RAB2A: variants seen among roughly 807,000 people sequenced by gnomAD.
RAB2A encodes the protein ras-related protein Rab-2A.
A neutral mutation model predicts 32.5 loss-of-function variants in RAB2A; 7 were observed. That is an observed-to-expected ratio of 0.22 (90% confidence interval 0.12 to 0.40). RAB2A has a LOEUF of 0.40. Ranked by LOEUF, RAB2A falls within the 10% of genes least tolerant of loss-of-function variation. The pLI is 1.00. For synonymous variants in RAB2A, 79 were observed against 85.2 expected, an observed-to-expected ratio of 0.93 and a Z score of 0.40; for missense variants, 108 against 260.7, an observed-to-expected ratio of 0.41 and a Z score of 4.03.
At chr8:60,567,571 A>G (rs1488688425) in intron 2 of RAB2A, among the ~76,000 whole-genome samples, 2 of 152,010 alleles carry the variant, frequency 1.3e-5, no homozygotes, top group Non-Finnish European at 2.9e-5. Context: ...GTTTTATTCA[A>G]TACATGGGCT....
At chr8:60,582,200 C>T (rs1329019203) in intron 3 of RAB2A, among the ~76,000 whole-genome samples, 2 of 152,136 alleles carry the variant, frequency 1.3e-5, no homozygotes, top group Non-Finnish European at 2.9e-5. Context: ...ACTCCTGCCT[C>T]AGCCTCCCAA....
chr8:60,531,798 A>ATTT (rs11320293), intron 1 of RAB2A, among the ~76,000 whole-genome samples: 20 of 129,692 alleles, frequency 1.5e-4, no homozygotes, highest in South Asian at 2.5e-4. Context: ...TTCTACCTTG[A>ATTT]TTTTTTTTTT....
At chr8:60,600,469 A>G (rs1804114161) in intron 6 of RAB2A, among the ~76,000 whole-genome samples, 1 of 152,252 alleles carries the variant, frequency 6.6e-6, no homozygotes, top group Non-Finnish European at 1.5e-5. Flanking sequence ...GGAATGTAAA[A>G]TAACACAGCC....
chr8:60,585,282 TTTTTGTTTTG>T lies in RAB2A; in HGVS notation c.362+506_362+515del, dbSNP rs112024465. Among the ~76,000 whole-genome samples, 293 of 148,652 alleles carry T rather than the reference TTTTTGTTTTG, an allele frequency of 2.0e-3. 3 individuals carry two copies. The highest frequency in any genetic ancestry group is 3.4e-3 in the Middle Eastern group (1 of 292). On this transcript the variant is annotated intron_variant, in intron 5 of 7. Coordinates refer to ENST00000262646, the MANE Select transcript of RAB2A (RefSeq NM_002865.3). Reference sequence around the variant, plus strand: ...ATTTTCAAAATGCTAGGCACCATTCTTTTTGTTTTGTTTTGTTTTGTTTTGTTTTGTTTTG... The same window carrying T: ...ATTTTCAAAATGCTAGGCACCATTCTTTTTGTTTTGTTTTGTTTTGTTTTG...
intron 1 of RAB2A, among the ~76,000 whole-genome samples, chr8:60,546,696 C>A (rs1322350502): frequency 1.3e-5 from 2 of 152,150 alleles, no homozygotes; most frequent in Non-Finnish European, 2.9e-5. Context: ...TTAATTCTCA[C>A]AACTCTTGTT....
chr8:60,539,487 A>G lies in RAB2A; in HGVS notation c.47-19365A>G, dbSNP rs2272620. Among the ~76,000 whole-genome samples, 81,097 of 152,162 alleles carry G rather than the reference A, an allele frequency of 0.53. 24,487 individuals carry two copies. The highest frequency in any genetic ancestry group is 0.83 in the African/African-American group (34,475 of 41,516). On this transcript the variant is annotated intron_variant, in intron 1 of 7. Coordinates refer to ENST00000262646, the MANE Select transcript of RAB2A (RefSeq NM_002865.3). ...ACCTGAAGCAACTTTTTCAATCAGC[A>G]TCATACACAGGATTCAAATCTAGCC...
chr8:60,552,812 A>G (rs142298683), intron 1 of RAB2A: 2 of 152,342 alleles, frequency 1.3e-5, no homozygotes, highest in African/African-American at 4.8e-5. Flanking sequence ...TCTCTCTCTT[A>G]TCAGTCAACA....
At chr8:60,553,917 TA>T (rs1807895485) in intron 1 of RAB2A, among the ~76,000 whole-genome samples, 1 of 152,230 alleles carries the variant, frequency 6.6e-6, no homozygotes, top group African/African-American at 2.4e-5. Context: ...AGCATGAATT[TA>T]AATTTGCCAG....
intron 5 of RAB2A, among the ~76,000 whole-genome samples, chr8:60,586,381 G>A (rs935325445): frequency 4.0e-5 from 5 of 126,384 alleles, no homozygotes; most frequent in South Asian, 3.0e-4. Flanking sequence ...CCTCCTGCCC[G>A]TTAAAAAAAA....
At chr8:60,608,521 CT>C (rs1804277713) in intron 6 of RAB2A, among the ~76,000 whole-genome samples, 2 of 136,780 alleles carry the variant, frequency 1.5e-5, no homozygotes, top group African/African-American at 6.4e-5. Flanking sequence ...TCCTCTCCTT[CT>C]TCCTCTCCTT....
At position 60,605,828 on chromosome 8, in the gene RAB2A, A is replaced by AATATATATAT. The variant is rs765737905; in HGVS notation, c.475-12749_475-12748insTATATATATA. Among the ~76,000 whole-genome samples the AATATATATAT allele has an allele frequency of 3.1e-3, 359 of 113,980 alleles. 6 individuals carry two copies. The highest frequency in any genetic ancestry group is 0.024 in the South Asian group (89 of 3,640). 74.8% of individuals were successfully genotyped at this position (113,980 alleles called of 152,430 possible). On this transcript the variant is annotated intron_variant, in intron 6 of 7. Coordinates refer to ENST00000262646, the MANE Select transcript of RAB2A (RefSeq NM_002865.3). ...TACAGGCTCATAGGCAAAAGGGACT[A>AATATATATAT]ATACATATATACATATATATATATA...
intron 5 of RAB2A, 32 bp downstream of exon 5, chr8:60,584,847 T>C (rs1175191431): frequency 6.8e-7 from 1 of 1,478,372 alleles, no homozygotes; most frequent in African/African-American, 1.4e-5. Context: ...TTACATTGCA[T>C]TAGTGATGAA....
chr8:60,548,487 C>T (rs1325604469), intron 1 of RAB2A, among the ~76,000 whole-genome samples: 3 of 63,916 alleles, frequency 4.7e-5, no homozygotes, highest in Non-Finnish European at 7.9e-5. Flanking sequence ...CCTCACTTCC[C>T]GGACGGGGCG....
intron 1 of RAB2A, among the ~76,000 whole-genome samples, chr8:60,549,008 C>T (rs1807798388): frequency 6.6e-6 from 1 of 150,488 alleles, no homozygotes; most frequent in Non-Finnish European, 1.5e-5. Context: ...GACGGGGCGG[C>T]AGGGCAGAGG....
chr8:60,543,340 C>T (rs1807675533), intron 1 of RAB2A, among the ~76,000 whole-genome samples: 1 of 135,638 alleles, frequency 7.4e-6, no homozygotes, highest in Non-Finnish European at 1.5e-5. Context: ...CGTTCATTGG[C>T]TTCTGGCAGC....
At chr8:60,599,923 T>C (rs573537087) in intron 6 of RAB2A, among the ~76,000 whole-genome samples, 2 of 152,248 alleles carry the variant, frequency 1.3e-5, no homozygotes, top group Admixed American at 6.5e-5. Context: ...TTTCAAAAAC[T>C]TTAGCCTTGT....
Position 60,566,868 on chromosome 8 carries a change from T to G in RAB2A, c.119-5178T>G, listed in dbSNP as rs1256753570. On this transcript the variant is annotated intron_variant, in intron 2 of 7. Coordinates refer to ENST00000262646, the MANE Select transcript of RAB2A (RefSeq NM_002865.3). ...ATAAGCAAGAACACGCAGTATTTGA[T>G]TTTTTGAGTTAGTTCACTGAGGATA... 2.6e-5 allele frequency among the ~76,000 whole-genome samples: 4 copies of G among 152,188 alleles called. No individual in the cohort carries two copies. The East Asian group carries it at 7.7e-4, about 29-fold the overall frequency.
At chr8:60,580,157 C>T (rs375376478) in intron 3 of RAB2A, among the ~76,000 whole-genome samples, 2 of 151,724 alleles carry the variant, frequency 1.3e-5, no homozygotes, top group African/African-American at 4.8e-5. Flanking sequence ...CCACCACACC[C>T]GGCTAATTTT....
intron 6 of RAB2A, among the ~76,000 whole-genome samples, chr8:60,596,341 TATCATCAG>T (rs1466914153): frequency 7.9e-5 from 12 of 152,120 alleles, no homozygotes; most frequent in Non-Finnish European, 1.6e-4. Context: ...CAAAAGAAAC[TATCATCAG>T]AGTGAACAGG....
Sources: allele counts gnomAD v4.1 joint callset (sites outside exome capture counted in the v4.1 genomes callset), GRCh38; gene constraint gnomAD v4.1.1; transcripts MANE v1.5; gene names NCBI Gene and HGNC (gene_info 2026-07-23, HGNC 2026-07-21).